Variants in SKIC8 observed in about 807,000 individuals in gnomAD.
SKIC8 encodes SKI8 subunit of superkiller complex.
chr15:78,283,746 A>C, the SKIC8 span: 2 of 423,674 alleles, frequency 4.7e-6, no homozygotes, highest in South Asian at 4.1e-5. Context: ...AAAAAAAAAA[A>C]ATCATTTTTA....
At chr15:78,295,459 G>C in the SKIC8 span, 4 of 447,960 alleles carry the variant, frequency 8.9e-6, no homozygotes, top group Non-Finnish European at 1.6e-5. Context: ...TCACTAAATT[G>C]TGGTAAAGAC....
chr15:78,298,810 A>AT, the SKIC8 span, among the ~76,000 whole-genome samples: 2 of 152,082 alleles, frequency 1.3e-5, no homozygotes, highest in African/African-American at 2.4e-5. Context: ...GGGAACTACT[A>AT]TTTTTTTATT....
chr15:78,284,701 A>G, the SKIC8 span: 1 of 152,546 alleles, frequency 6.6e-6, no homozygotes, highest in Admixed American at 6.5e-5. Flanking sequence ...TTGCTATTTC[A>G]CATATTCACC....
the SKIC8 span, chr15:78,285,863 G>A: frequency 2.0e-6 from 1 of 507,332 alleles, no homozygotes; most frequent in Non-Finnish European, 3.5e-6. Flanking sequence ...ATTACTTGTT[G>A]ACTTTTGTTC....
At chr15:78,283,714 G>C in the SKIC8 span, 19 of 426,590 alleles carry the variant, frequency 4.5e-5, no homozygotes, top group South Asian at 1.9e-4. Flanking sequence ...TAGAATTCCT[G>C]CCCCTTCCCA....
At chr15:78,285,358 A>G in the SKIC8 span, 3 of 1,612,832 alleles carry the variant, frequency 1.9e-6, no homozygotes, top group Admixed American at 1.7e-5. Flanking sequence ...AAAAGTGAAC[A>G]TTAGTATCGG....
At chr15:78,297,828 A>G in the SKIC8 span, among the ~76,000 whole-genome samples, 2 of 152,204 alleles carry the variant, frequency 1.3e-5, no homozygotes, top group African/African-American at 4.8e-5. Context: ...GCCAGCCTAA[A>G]AAGCTGCCGA....
chr15:78,286,258 T>C, the SKIC8 span: 1 of 725,640 alleles, frequency 1.4e-6, no homozygotes, highest in Non-Finnish European at 2.2e-6. Flanking sequence ...ATAATGACCA[T>C]GAATACTATA....
the SKIC8 span, among the ~76,000 whole-genome samples, chr15:78,287,338 T>C: frequency 6.6e-6 from 1 of 150,868 alleles, no homozygotes; most frequent in Non-Finnish European, 1.5e-5. Flanking sequence ...AGTTAAAAAC[T>C]GCAGTTAGAA....
At chr15:78,299,516 CG>C in the SKIC8 span, 1 of 152,858 alleles carries the variant, frequency 6.5e-6, no homozygotes, top group Non-Finnish European at 1.5e-5. Context: ...GGACTGTCAA[CG>C]GCCCTAATGA....
At chr15:78,292,275 T>C in the SKIC8 span, 5 of 272,742 alleles carry the variant, frequency 1.8e-5, no homozygotes, top group South Asian at 7.9e-5. Flanking sequence ...ACCAGCAGTT[T>C]TGAAATCCAA....
the SKIC8 span, chr15:78,285,975 A>C: frequency 1.5e-6 from 2 of 1,333,702 alleles, no homozygotes; most frequent in Non-Finnish European, 2.1e-6. Flanking sequence ...ATGTTAAGGC[A>C]ATCTATACAA....
At chr15:78,288,511 G>A in the SKIC8 span, 2 of 862,912 alleles carry the variant, frequency 2.3e-6, no homozygotes, top group Non-Finnish European at 3.7e-6. Flanking sequence ...AGGCAGAAAA[G>A]CAAGAGTTCT....
the SKIC8 span, chr15:78,289,771 CCTACCAAACA>C: frequency 1.3e-6 from 2 of 1,563,570 alleles, no homozygotes; most frequent in Non-Finnish European, 1.8e-6. Flanking sequence ...TTAAGCTGTC[CCTACCAAACA>C]CAAGCAAACC....
the SKIC8 span, chr15:78,295,712 A>G: frequency 6.5e-7 from 1 of 1,541,696 alleles, no homozygotes; most frequent in Non-Finnish European, 8.8e-7. Flanking sequence ...TCAAGGACAA[A>G]AGGCCAGACA....
chr15:78,285,415 T>G, the SKIC8 span: 2 of 1,305,452 alleles, frequency 1.5e-6, no homozygotes, highest in Non-Finnish European at 2.2e-6. Context: ...ATGACTTACA[T>G]TCTTCTAACT....
the SKIC8 span, chr15:78,288,258 T>C: frequency 6.3e-7 from 1 of 1,595,584 alleles, no homozygotes; most frequent in Admixed American, 1.7e-5. Flanking sequence ...TGGGCATCAG[T>C]AGTAAGGGAG....
At chr15:78,293,070 T>C in the SKIC8 span, 34 of 1,124,638 alleles carry the variant, frequency 3.0e-5, 1 homozygote, top group South Asian at 4.9e-4. Flanking sequence ...CTTTCTTGCC[T>C]AGAAAAAAGT....
the SKIC8 span, chr15:78,286,517 C>A: frequency 5.5e-6 from 1 of 182,092 alleles, no homozygotes; most frequent in South Asian, 1.5e-4. Flanking sequence ...AGACTCCTGC[C>A]TGCACCAGCA....
Sources: gnomAD v4.1 joint callset for allele counts (sites outside exome capture counted in the v4.1 genomes callset) on GRCh38, gnomAD v4.1.1 for gene constraint, MANE v1.5 for transcripts, NCBI Gene and HGNC (gene_info 2026-07-23, HGNC 2026-07-21) for gene names.